Variants in RYR3 observed in about 807,000 individuals in gnomAD.
The protein encoded by RYR3 is ryanodine receptor 3, also known as brain ryanodine receptor-calcium release channel.
Under a neutral mutation model 584.3 loss-of-function variants are expected in RYR3, and 207 were observed. The ratio of observed to expected loss-of-function variants is 0.35; its 90% CI spans 0.32 to 0.40. RYR3 has a LOEUF of 0.40. Among genes scored for constraint, RYR3 ranks in the 10% least tolerant of loss-of-function variants. The pLI, the probability that RYR3 is intolerant of heterozygous loss-of-function variation, is 1.00. For synonymous variants in RYR3, 2,416 were observed against 2,248.5 expected, an observed-to-expected ratio of 1.07 and a Z score of -2.11; for missense variants, 5,616 against 6,089.2, an observed-to-expected ratio of 0.92 and a Z score of 2.59.
intron 77 of RYR3, 26 bp downstream of exon 77, chr15:33,819,833 T>A: frequency 1.9e-6 from 3 of 1,550,922 alleles, no homozygotes; most frequent in East Asian, 2.3e-5. Flanking sequence ...CTGCCCATTG[T>A]CTCTGTCTTT....
At chr15:33,802,301 C>T (rs889139448) in intron 69 of RYR3, among the ~76,000 whole-genome samples, 1 of 152,190 alleles carries the variant, frequency 6.6e-6, no homozygotes, top group African/African-American at 2.4e-5. Context: ...AATACACATG[C>T]CTAGAACCAC....
intron 10 of RYR3, among the ~76,000 whole-genome samples, 166 bp downstream of exon 10, chr15:33,550,482 A>G (rs569288805): frequency 2.0e-5 from 3 of 152,352 alleles, no homozygotes; most frequent in Admixed American, 1.3e-4. Context: ...AATTGAGTTC[A>G]TGGAGGAATA....
intron 3 of RYR3, among the ~76,000 whole-genome samples, chr15:33,509,612 G>A (rs2052792761): frequency 6.6e-6 from 1 of 152,194 alleles, no homozygotes; most frequent in South Asian, 2.1e-4. Context: ...CTTCAGGAGA[G>A]TTCATAAGAT....
At position 33,445,874 on chromosome 15, in the gene RYR3, T is replaced by C. The variant is rs73380477; in HGVS notation, c.52-27545T>C. On this transcript the variant is annotated intron_variant, in intron 1 of 103. Transcript: ENST00000634891. ...AATCGACGTGATTTTTGTACTGTTA[T>C]AAAGAGCAAAAGAAGTGACTTTACA... Among the ~76,000 whole-genome samples the C allele has an allele frequency of 7.2e-3, 1,103 of 152,270 alleles. 12 individuals carry two copies. Among genetic ancestry groups the C allele is most frequent in the African/African-American group, 0.025 (1,048 of 41,550 alleles).
rs376698520 is a variant in RYR3 at position 33,736,291 on chromosome 15, C to A, written c.7481C>A (p.Pro2494Gln). ...CTGCGACGCCTCGTTTTTGATGTGC[C>A]GCAACTCAATGAATACTGCAAAATG... is the stretch of plus-strand genomic sequence containing the variant. ...QLLRRLVFDVPQLNEYCKMPL... is the reference protein window; with the variant it reads ...QLLRRLVFDVQQLNEYCKMPL... Residue 2494 changes from proline to glutamine, a missense_variant, in exon 49 of 104, where the codon CCG becomes CAG. Pro to Gln is a moderately conservative substitution (Grantham distance 76, BLOSUM62 -1). Transcript: ENST00000634891. The A allele has an allele frequency of 1.4e-5, 22 of 1,612,686 alleles. No homozygotes were observed. Among genetic ancestry groups the A allele is most frequent in the Non-Finnish European group, 1.8e-5 (21 of 1,179,472 alleles).
intron 73 of RYR3, among the ~76,000 whole-genome samples, 155 bp from the exon 74 acceptor site, chr15:33,813,312 T>C (rs1404449867): frequency 1.3e-5 from 2 of 152,194 alleles, no homozygotes; most frequent in South Asian, 4.1e-4. Flanking sequence ...CCTAAGACTT[T>C]CACAACTGAA....
At chr15:33,555,565 G>GT (rs1181937834) in intron 10 of RYR3, among the ~76,000 whole-genome samples, 4 of 152,150 alleles carry the variant, frequency 2.6e-5, no homozygotes, top group Admixed American at 2.0e-4. Context: ...AGAAGCCTGG[G>GT]TTTGAACCCT....
Position 33,838,307 on chromosome 15 carries a change from C to T in RYR3, c.12327C>T (p.Asp4109=). The T allele has an allele frequency of 6.2e-7, 1 of 1,613,972 alleles. No individual in the cohort carries two copies. Among genetic ancestry groups the T allele is most frequent in the East Asian group, 2.2e-5 (1 of 44,880 alleles). ...ASQISESDSA[D]RPEEEEEDED... The stretch of plus-strand genomic sequence containing the variant: ...AGATCTCTGAATCCGATTCAGCTGA[C>T]AGGCCAGAAGAGGAGGAAGAAGATG... Residue 4109 remains aspartate, a synonymous_variant, in exon 89 of 104, where the codon GAC becomes GAT. Coordinates refer to ENST00000634891, the MANE Select transcript of RYR3 (RefSeq NM_001036.6).
At chr15:33,850,964 T>A (rs770134933) in intron 94 of RYR3, 3 of 152,238 alleles carry the variant, frequency 2.0e-5, no homozygotes, top group Non-Finnish European at 4.4e-5. Context: ...TTTTGACTAT[T>A]TTGACTATTT....
intron 96 of RYR3, 69 bp downstream of exon 96, chr15:33,853,751 A>G: frequency 6.4e-7 from 1 of 1,556,376 alleles, no homozygotes; most frequent in Non-Finnish European, 8.7e-7. Context: ...TCCATAGGAA[A>G]AAATCACAAC....
chr15:33,393,393 T>C (rs1319609649), intron 1 of RYR3, among the ~76,000 whole-genome samples: 1 of 152,174 alleles, frequency 6.6e-6, no homozygotes, highest in African/African-American at 2.4e-5. Flanking sequence ...AGAAAGGTTG[T>C]TGGAAAGACC....
chr15:33,696,222 A>G lies in RYR3; in HGVS notation c.5865A>G (p.Thr1955=). The change falls in exon 39 of 104, where the codon ACA becomes ACG. Residue 1955 remains threonine, a synonymous_variant. Coordinates refer to ENST00000634891, the MANE Select transcript of RYR3 (RefSeq NM_001036.6). The part of the protein sequence containing the change: ...PTEEEERCPT[T]LKELISQTMI... ...TCCCTCCTGTTGTCCTTCCAGCAACATTGAAGGAACTCATCTCACAGACGA... is the reference window on the plus strand; with the variant it reads ...TCCCTCCTGTTGTCCTTCCAGCAACGTTGAAGGAACTCATCTCACAGACGA... 1.2e-6 allele frequency: 2 copies of G among 1,612,910 alleles called. No homozygotes were observed. Among genetic ancestry groups the G allele is most frequent in the Non-Finnish European group, 1.7e-6 (2 of 1,179,226 alleles).
At chr15:33,536,863 TG>T (rs2141111794) in intron 5 of RYR3, among the ~76,000 whole-genome samples, 1 of 152,350 alleles carries the variant, frequency 6.6e-6, no homozygotes, top group East Asian at 1.9e-4. Flanking sequence ...GTTTACCACT[TG>T]TTTATAATAT....
At chr15:33,742,569 A>G (rs2070259761) in intron 52 of RYR3, 125 bp downstream of exon 52, 3 of 676,828 alleles carry the variant, frequency 4.4e-6, no homozygotes, top group Admixed American at 4.8e-5. Flanking sequence ...GAGAGCATTC[A>G]TTATTTCTGA....
At chr15:33,688,014 A>G (rs1197337979) in intron 38 of RYR3, among the ~76,000 whole-genome samples, 3 of 152,240 alleles carry the variant, frequency 2.0e-5, no homozygotes, top group Non-Finnish European at 4.4e-5. Context: ...TAAGGACTTC[A>G]TGACTAAAAC....
At chr15:33,766,008 C>T (rs762351736) in intron 60 of RYR3, among the ~76,000 whole-genome samples, 3 of 152,056 alleles carry the variant, frequency 2.0e-5, no homozygotes, top group Non-Finnish European at 4.4e-5. Flanking sequence ...TGGCTGAGTG[C>T]GGTGGCTCAC....
At chr15:33,596,212 T>A (rs923559616) in intron 16 of RYR3, among the ~76,000 whole-genome samples, 5 of 152,104 alleles carry the variant, frequency 3.3e-5, no homozygotes, top group African/African-American at 1.2e-4. Context: ...GACACACTTT[T>A]TTTTTCTTTA....
chr15:33,407,117 G>A lies in RYR3; in HGVS notation c.52-66302G>A, dbSNP rs142232954. On this transcript the variant is annotated intron_variant, in intron 1 of 103. Transcript: ENST00000634891. The stretch of plus-strand genomic sequence containing the variant: ...TGGTGGAAGGGACAGAAGGTCAAGA[G>A]GGGTCTAAGCTAGTTTCCCTCAGCC... Among the ~76,000 whole-genome samples the A allele has an allele frequency of 2.0e-5, 3 of 152,302 alleles. No homozygotes were observed. The East Asian group carries it at 5.8e-4, about 29-fold the overall frequency.
At chr15:33,364,608 G>T (rs937353282) in intron 1 of RYR3, among the ~76,000 whole-genome samples, 1 of 152,152 alleles carries the variant, frequency 6.6e-6, no homozygotes, top group Non-Finnish European at 1.5e-5. Flanking sequence ...AAAAAGCAGC[G>T]TACCAGACAA....
Sources: gnomAD v4.1 joint callset for allele counts (sites outside exome capture counted in the v4.1 genomes callset) on GRCh38, gnomAD v4.1.1 for gene constraint, MANE v1.5 for transcripts, NCBI Gene and HGNC (gene_info 2026-07-23, HGNC 2026-07-21) for gene names.